CHN2: variants seen among roughly 807,000 people sequenced by gnomAD.
The protein encoded by CHN2 is beta-chimaerin.
Under a neutral mutation model 56.3 loss-of-function variants are expected in CHN2, and 35 were observed. The observed-to-expected ratio is 0.62, with a 90% confidence interval of 0.47 to 0.82. The LOEUF (loss-of-function observed/expected upper bound fraction) is 0.82, where lower values mean the gene tolerates loss of function less well. CHN2 is among the 40% of genes least tolerant of loss of function. The pLI, the probability that CHN2 is intolerant of heterozygous loss-of-function variation, is 0.00. For synonymous variants in CHN2, 210 were observed against 212.8 expected (o/e 0.99, Z 0.12); for missense variants, 491 against 580.5 (o/e 0.85, Z 1.58).
chr7:29,511,229 G>T (rs1456358733), intron 12 of CHN2, among the ~76,000 whole-genome samples: 2 of 33,430 alleles, frequency 6.0e-5, no homozygotes, highest in East Asian at 1.3e-3. Flanking sequence ...ATACAATATT[G>T]TTGCTCAGAT....
intron 1 of CHN2, among the ~76,000 whole-genome samples, chr7:29,230,190 G>C (rs1786560955): frequency 6.6e-6 from 1 of 152,068 alleles, no homozygotes; most frequent in African/African-American, 2.4e-5. Flanking sequence ...AAGATCATTT[G>C]GCTGTTTTCT....
chr7:29,389,688 G>T (rs1007078995), intron 3 of CHN2, among the ~76,000 whole-genome samples: 1 of 152,276 alleles, frequency 6.6e-6, no homozygotes, highest in East Asian at 1.9e-4. Flanking sequence ...GGCATGTATT[G>T]TGCCTCCTTG....
intron 1 of CHN2, among the ~76,000 whole-genome samples, chr7:29,347,847 T>C (rs975897925): frequency 2.0e-5 from 3 of 152,230 alleles, no homozygotes; most frequent in African/African-American, 4.8e-5. Context: ...CTATGTGCGC[T>C]GACATGGATA....
chr7:29,292,973 A>T lies in CHN2; in HGVS notation c.50-61652A>T, dbSNP rs1334616961. The T allele has an allele frequency of 6.6e-6, 3 of 456,242 alleles. No homozygotes were observed. The East Asian group carries it at 2.1e-4, about 32-fold the overall frequency. 28.3% of individuals were successfully genotyped at this position (456,242 alleles called of 1,614,324 possible). ...AGAGAGCTTCCAAAATGTAAGTCAG[A>T]TGATGTCACTCCTCCGTCTTTGCAC... On this transcript the variant is annotated intron_variant, in intron 1 of 12. Transcript: ENST00000222792.
chr7:29,388,057 G>A (rs1217302231), intron 3 of CHN2, among the ~76,000 whole-genome samples: 1 of 152,140 alleles, frequency 6.6e-6, no homozygotes, highest in Non-Finnish European at 1.5e-5. Context: ...GTAATATTTG[G>A]AAAATGGATA....
chr7:29,264,883 A>AAAC (rs1554383529), intron 1 of CHN2, among the ~76,000 whole-genome samples: 43 of 151,560 alleles, frequency 2.8e-4, no homozygotes, highest in African/African-American at 1.0e-3. Context: ...AAAAAAAAAA[A>AAAC]AACAAGTTAA....
intron 1 of CHN2, among the ~76,000 whole-genome samples, chr7:29,346,521 G>T (rs1304362745): frequency 6.6e-6 from 1 of 152,232 alleles, no homozygotes; most frequent in African/African-American, 2.4e-5. Flanking sequence ...AAAAGTGACA[G>T]CACAGATCTG....
chr7:29,243,925 C>T (rs910386627), intron 1 of CHN2, among the ~76,000 whole-genome samples: 6 of 152,226 alleles, frequency 3.9e-5, no homozygotes, highest in African/African-American at 1.2e-4. Flanking sequence ...CCGATCTGAA[C>T]ATTCAGTGCC....
intron 1 of CHN2, among the ~76,000 whole-genome samples, chr7:29,217,193 A>G (rs185533014): frequency 3.0e-4 from 46 of 152,368 alleles, no homozygotes; most frequent in Non-Finnish European, 5.7e-4. Flanking sequence ...TGGTTTGTGC[A>G]TATAATTATT....
At chr7:29,402,032 A>G (rs985794265) in intron 6 of CHN2, among the ~76,000 whole-genome samples, 5 of 152,154 alleles carry the variant, frequency 3.3e-5, no homozygotes, top group African/African-American at 1.2e-4. Context: ...GCCCCGCCAC[A>G]CTGCTCCTTC....
chr7:29,347,428 C>A (rs1226948973), intron 1 of CHN2, among the ~76,000 whole-genome samples: 1 of 152,118 alleles, frequency 6.6e-6, no homozygotes, highest in Non-Finnish European at 1.5e-5. Context: ...ACTCACAGAT[C>A]TGCATGGCTG....
At position 29,194,982 on chromosome 7, in the gene CHN2, T is replaced by G; in HGVS notation, c.41T>G (p.Val14Gly). ...SSNSSLSGSSVSSDAEEYQPP... is the reference protein window; with the variant it reads ...SSNSSLSGSSGSSDAEEYQPP... ...AACTCCAGCCTGTCCGGCTCGTCGGTGTCCTCCGGTGAGTTTCAGCCCGTC... is the reference window on the plus strand; with the variant it reads ...AACTCCAGCCTGTCCGGCTCGTCGGGGTCCTCCGGTGAGTTTCAGCCCGTC... The change falls in exon 1 of 13, where the codon GTG becomes GGG. Residue 14 changes from valine (V) to glycine (G), a missense_variant. Physicochemically the swap from Val to Gly is moderately radical, Grantham distance 109. Transcript: ENST00000222792. 1 of 1,586,444 alleles carries G rather than the reference T, an allele frequency of 6.3e-7. No homozygotes were observed. Among genetic ancestry groups the G allele is most frequent in the Non-Finnish European group, 8.6e-7 (1 of 1,169,008 alleles).
chr7:29,220,072 C>A (rs1170414840), intron 1 of CHN2, among the ~76,000 whole-genome samples: 1 of 138,546 alleles, frequency 7.2e-6, no homozygotes. Context: ...AAGACTCTGT[C>A]TCAAAAAAAT....
Position 29,183,146 on chromosome 7 carries a change from G to A in CHN2, c.274+36186G>A, listed in dbSNP as rs545652002. On this transcript the variant is annotated intron_variant, in intron 2 of 6. Coordinates refer to the CHN2 transcript ENST00000439384. The stretch of plus-strand genomic sequence containing the variant: ...GTTGCCTAGGCTGGAGTGCAACGGC[G>A]CAATCTTGGCTCATTGTAACCTCCG... Among the ~76,000 whole-genome samples, 41 of 147,606 alleles carry A rather than the reference G, an allele frequency of 2.8e-4. No individual in the cohort carries two copies. In the South Asian group the frequency reaches 8.4e-3, roughly 30 times the overall value.
chr7:29,337,759 T>G (rs1438209988), intron 1 of CHN2, among the ~76,000 whole-genome samples: 2 of 152,226 alleles, frequency 1.3e-5, no homozygotes, highest in Non-Finnish European at 2.9e-5. Flanking sequence ...TTTCGGCTGT[T>G]GGGTCCTTAC....
chr7:29,281,219 T>G (rs1454336027), intron 1 of CHN2, among the ~76,000 whole-genome samples: 1 of 152,214 alleles, frequency 6.6e-6, no homozygotes, highest in Non-Finnish European at 1.5e-5. Flanking sequence ...AAAAGGGTAT[T>G]TTTTGCATGT....
intron 7 of CHN2, among the ~76,000 whole-genome samples, chr7:29,493,384 C>G (rs897064555): frequency 1.3e-5 from 2 of 152,160 alleles, no homozygotes; most frequent in African/African-American, 4.8e-5. Context: ...TTAAGTGATG[C>G]ATGACCATAC....
chr7:29,468,081 CAG>C lies in CHN2; in HGVS notation c.577-12197_577-12196del, dbSNP rs370887049. Among the ~76,000 whole-genome samples the C allele has an allele frequency of 3.6e-3, 529 of 147,056 alleles. 2 individuals carry two copies. Among genetic ancestry groups the C allele is most frequent in the African/African-American group, 0.013 (506 of 39,762 alleles). ...GTATAGGTCATTATAGGTCATATCTCAGGGGATTTTCAGCTCCAATGGGCCGC... is the reference window on the plus strand; with the variant it reads ...GTATAGGTCATTATAGGTCATATCTCGGGATTTTCAGCTCCAATGGGCCGC... On this transcript the variant is annotated intron_variant, in intron 6 of 12. Coordinates refer to ENST00000222792, the MANE Select transcript of CHN2 (RefSeq NM_004067.4).
chr7:29,357,664 T>A (rs551999406), intron 2 of CHN2, among the ~76,000 whole-genome samples: 3 of 152,298 alleles, frequency 2.0e-5, no homozygotes, highest in African/African-American at 7.2e-5. Flanking sequence ...GCTACTCCTC[T>A]ATCTCCTGGG....
Sources: allele counts gnomAD v4.1 joint callset (sites outside exome capture counted in the v4.1 genomes callset), GRCh38; gene constraint gnomAD v4.1.1; transcripts MANE v1.5; gene names NCBI Gene and HGNC (gene_info 2026-07-23, HGNC 2026-07-21).